THEMIS2: variants seen among roughly 807,000 people sequenced by gnomAD.
THEMIS2 encodes thymocyte selection associated family member 2, also known as protein THEMIS2.
Under a neutral mutation model 46.8 loss-of-function variants are expected in THEMIS2, and 29 were observed. The observed-to-expected ratio is 0.62, with a 90% CI of 0.46 to 0.84. The LOEUF is 0.84. Ranked by LOEUF, THEMIS2 falls within the 40% of genes least tolerant of loss-of-function variation. The probability of loss-of-function intolerance (pLI) is 0.00; values close to 1 mark genes in which losing one functional copy is unlikely to be tolerated. For missense variants in THEMIS2, 698 were observed against 834.7 expected (o/e 0.84, Z 2.02); for synonymous variants, 335 against 349.1 (o/e 0.96, Z 0.45).
chr1:27,877,039 A>G (rs561748773), intron 2 of THEMIS2, among the ~76,000 whole-genome samples: 39 of 152,276 alleles, frequency 2.6e-4, no homozygotes, highest in African/African-American at 9.1e-4. Flanking sequence ...GCAGACACCC[A>G]TGTGTGCCAG....
In THEMIS2 at chr1:27,885,879, A is replaced by G. The variant is rs769226075; in HGVS notation, c.1889A>G (p.His630Arg). Residue 630 changes from histidine (H) to arginine (R), a missense_variant, in exon 6 of 6, where the codon CAT (histidine) becomes CGT (arginine). Coordinates refer to ENST00000373921, the MANE Select transcript of THEMIS2 (RefSeq NM_001105556.3). ...GACTCTTTTGCAGATGATGATGAACATGATTATGAAGAAATACTTGAGCAA... is the reference window on the plus strand; with the variant it reads ...GACTCTTTTGCAGATGATGATGAACGTGATTATGAAGAAATACTTGAGCAA... ...PQRQDLDDDE[H>R]DYEEILEQFQ... is the part of the protein sequence containing the mutation. 55 of 1,613,946 alleles carry G rather than the reference A, an allele frequency of 3.4e-5. No individual in the cohort carries two copies. Among genetic ancestry groups the G allele is most frequent in the Non-Finnish European group, 4.2e-5 (50 of 1,180,020 alleles).
intron 2 of THEMIS2, among the ~76,000 whole-genome samples, chr1:27,878,088 T>C (rs2089612966): frequency 7.1e-6 from 1 of 140,590 alleles, no homozygotes; most frequent in African/African-American, 2.7e-5. Context: ...AGGTGGAGGT[T>C]GCAGCCTGTG....
intron 5 of THEMIS2, 112 bp downstream of exon 5, chr1:27,885,563 G>A (rs1409021511): frequency 7.4e-7 from 1 of 1,354,602 alleles, no homozygotes. Context: ...TATGGTCCCA[G>A]TTTGATGGAC....
chr1:27,874,008 G>A (rs144361575), intron 1 of THEMIS2, among the ~76,000 whole-genome samples: 1 of 148,966 alleles, frequency 6.7e-6, no homozygotes, highest in African/African-American at 2.5e-5. Flanking sequence ...TGGCTCTGGA[G>A]GCAAACACCC....
intron 2 of THEMIS2, among the ~76,000 whole-genome samples, chr1:27,877,293 GA>G (rs2089597811): frequency 6.6e-6 from 1 of 152,120 alleles, no homozygotes. Context: ...TGGTGCTCAG[GA>G]AACCCCAAGG....
In THEMIS2 at chr1:27,877,544, A is replaced by G. The variant is rs150171155; in HGVS notation, c.235+816A>G. On this transcript the variant is annotated intron_variant, in intron 2 of 5. Transcript: ENST00000373921. ...AAGTTTCACCGTGTTAACCAGGATG[A>G]TCTCGATCTCCTGACCTCGTGATCT... Among the ~76,000 whole-genome samples the G allele has an allele frequency of 5.7e-3, 864 of 151,934 alleles. 5 individuals are homozygous for G. The highest frequency in any genetic ancestry group is 8.5e-3 in the Non-Finnish European group (578 of 67,940).
intron 1 of THEMIS2, among the ~76,000 whole-genome samples, chr1:27,874,634 TAGTC>T (rs1267203020): frequency 1.3e-5 from 2 of 151,212 alleles, no homozygotes; most frequent in Non-Finnish European, 3.0e-5. Context: ...ATAAAAAAAT[TAGTC>T]AGGTGTGATG....
rs533696646 is a variant in THEMIS2, at chr1:27,882,513, C to T, written c.1189C>T (p.Arg397Trp). Residue 397 changes from arginine to tryptophan, a missense_variant, in exon 4 of 6, where the codon CGG becomes TGG. Physicochemically the swap from Arg to Trp is moderately radical, Grantham distance 101 (BLOSUM62 -3). Coordinates refer to ENST00000373921, the MANE Select transcript of THEMIS2 (RefSeq NM_001105556.3). The surrounding 1 kb of genome is among the most constrained non-coding windows in gnomAD (Gnocchi z 7.6). Reference protein sequence around the residue: ...GSDVDVLVCQRLSDQAGEDEE... With the variant: ...GSDVDVLVCQWLSDQAGEDEE... ...TGACGTGGATGTCTTGGTTTGTCAG[C>T]GGCTGAGTGACCAGGCTGGGGAGGA... The T allele has an allele frequency of 3.0e-5, 49 of 1,613,584 alleles. No individual in the cohort carries two copies. Among genetic ancestry groups the T allele is most frequent in the South Asian group, 8.8e-5 (8 of 91,056 alleles).
intron 5 of THEMIS2, 40 bp from the exon 6 acceptor site, chr1:27,885,827 C>T (rs530809959): frequency 6.2e-7 from 1 of 1,606,480 alleles, no homozygotes; most frequent in Non-Finnish European, 8.5e-7. Flanking sequence ...AGGAACTTGC[C>T]TAACGCTAAA....
At position 27,872,820 on chromosome 1, in the gene THEMIS2, T is replaced by G. The variant is rs1362904056; in HGVS notation, c.94+155T>G. Among the ~76,000 whole-genome samples the G allele has an allele frequency of 6.6e-6, 1 of 152,188 alleles. No homozygotes were observed. Among genetic ancestry groups the G allele is most frequent in the Admixed American group, 6.5e-5 (1 of 15,288 alleles). On this transcript the variant is annotated intron_variant, in intron 1 of 5. Coordinates refer to ENST00000373921, the MANE Select transcript of THEMIS2 (RefSeq NM_001105556.3). This position sits in a 1 kb window ranked among gnomAD's most constrained non-coding sequence, Gnocchi z 4.9. Reference sequence around the variant, plus strand: ...GTGTGATTTGGGGCCGCACTCAACCTCTTTGGACCTCGGCTTTTGCTTTCG... The same window carrying G: ...GTGTGATTTGGGGCCGCACTCAACCGCTTTGGACCTCGGCTTTTGCTTTCG...
chr1:27,879,831 C>A lies in THEMIS2; in HGVS notation c.423C>A (p.Ile141=), dbSNP rs150226809. Residue 141 remains isoleucine (I), a synonymous_variant, in exon 3 of 6, where the codon ATC becomes ATA. Transcript: ENST00000373921. ...AGGCTGTGGTGATGCACCTCGGGAT[C>A]CGCTCTGCCCGCTGTGTCCTGGGCA... The part of the protein sequence containing the change: ...MLEAVVMHLG[I]RSARCVLGME... 1 of 1,613,474 alleles carries A rather than the reference C, an allele frequency of 6.2e-7. No homozygotes were observed. The highest frequency in any genetic ancestry group is 8.5e-7 in the Non-Finnish European group (1 of 1,179,442).
At position 27,883,092 on chromosome 1, in the gene THEMIS2, C is replaced by T. The variant is rs760374033; in HGVS notation, c.1719+49C>T. ...ACGGAGGGGTCACCTATTGGGATCA[C>T]TGCTTCTTTGTCATGTCTGCCTGTC... On this transcript the variant is annotated intron_variant, in intron 4 of 5. Transcript: ENST00000373921. 11 of 1,472,346 alleles carry T rather than the reference C, an allele frequency of 7.5e-6. No individual in the cohort carries two copies. The Admixed American group carries it at 2.2e-4, about 29-fold the overall frequency. 91.2% of individuals were successfully genotyped at this position (1,472,346 alleles called of 1,614,324 possible). A position where few individuals can be genotyped will look rare whatever the true frequency, so the allele number is the denominator to read the frequency against.
In THEMIS2 at chr1:27,885,849, A is replaced by G. The variant is rs1365828942; in HGVS notation, c.1877-18A>G. The G allele has an allele frequency of 6.2e-7, 1 of 1,613,712 alleles. No homozygotes were observed. On this transcript the variant is annotated intron_variant, in intron 5 of 5. Coordinates refer to ENST00000373921, the MANE Select transcript of THEMIS2 (RefSeq NM_001105556.3). ...TGCCTAACGCTAAAGATCCTCATTG[A>G]CTCGGACTCTTTTGCAGATGATGAT...
chr1:27,872,602 C>G lies in THEMIS2; in HGVS notation c.31C>G (p.Arg11Gly). The change falls in exon 1 of 6, where the codon CGC (arginine) becomes GGC (glycine). Residue 11 changes from arginine (R) to glycine (G), a missense_variant. Physicochemically the swap from Arg to Gly is moderately radical, Grantham distance 125 (BLOSUM62 -2). Coordinates refer to ENST00000373921, the MANE Select transcript of THEMIS2 (RefSeq NM_001105556.3). The surrounding 1 kb of genome is among the most constrained non-coding windows in gnomAD (Gnocchi z 4.9). MEPVPLQDFV[R>G]ALDPASLPRV... ...GCCGGTGCCGCTGCAGGACTTCGTG[C>G]GCGCCTTGGACCCCGCCTCCCTCCC... The G allele has an allele frequency of 1.3e-6, 2 of 1,488,260 alleles. No individual in the cohort carries two copies. The highest frequency in any genetic ancestry group is 2.9e-5 in the East Asian group (1 of 34,712). The allele number at this position is 1,488,260 out of a possible 1,614,324, so 92.2% of individuals were successfully genotyped here. A position where few individuals can be genotyped will look rare whatever the true frequency, so the allele number is the denominator to read the frequency against.
chr1:27,882,870 C>T lies in THEMIS2; in HGVS notation c.1546C>T (p.Pro516Ser), dbSNP rs200096530. 133 of 1,613,956 alleles carry T rather than the reference C, an allele frequency of 8.2e-5. No homozygotes were observed. In the African/African-American group the frequency reaches 1.7e-3, roughly 20 times the overall value. ...GACTGTTGTGAAGGCCAAGGGGCAGCCAGACTTGCCAGAGGGGTCTCTCCC... is the reference window on the plus strand; with the variant it reads ...GACTGTTGTGAAGGCCAAGGGGCAGTCAGACTTGCCAGAGGGGTCTCTCCC... ...DLTVVKAKGQ[P>S]DLPEGSLPIA... Residue 516 changes from proline (P) to serine (S), a missense_variant, in exon 4 of 6, where the codon CCA becomes TCA. By Grantham distance (74) the Pro-to-Ser change is moderately conservative (BLOSUM62 -1). Transcript: ENST00000373921. The surrounding 1 kb of genome is among the most constrained non-coding windows in gnomAD (Gnocchi z 7.6).
rs747483455 is a variant in THEMIS2, at chr1:27,882,396, G to A, written c.1072G>A (p.Glu358Lys). Reference sequence around the variant, plus strand: ...GGTGGCCACAAAGGACTGTGAGGGCGAGAGGGAGGAGAATCCCGAGTTCAC... The same window carrying A: ...GGTGGCCACAAAGGACTGTGAGGGCAAGAGGGAGGAGAATCCCGAGTTCAC... ...RVVATKDCEG[E>K]REENPEFTSL... is the part of the protein sequence containing the mutation. The change falls in exon 4 of 6, where the codon GAG becomes AAG. Residue 358 changes from glutamate (E) to lysine (K), a missense_variant. Glu to Lys is a moderately conservative substitution (Grantham distance 56, BLOSUM62 1). Transcript: ENST00000373921. This position sits in a 1 kb window ranked among gnomAD's most constrained non-coding sequence, Gnocchi z 7.6. 24 of 1,607,812 alleles carry A rather than the reference G, an allele frequency of 1.5e-5. No individual in the cohort carries two copies. Among genetic ancestry groups the A allele is most frequent in the South Asian group, 4.4e-5 (4 of 90,226 alleles).
Position 27,885,410 on chromosome 1 carries a change from G to C in THEMIS2, c.1835G>C (p.Arg612Thr). ...SSTYSKIPAH[R>T]KGHRPAKPQR... ...ACGTACAGCAAGATTCCTGCCCACA[G>C]GAAGGGCCACAGGCCCGCTAAGCCC... Residue 612 changes from arginine (R) to threonine (T), a missense_variant, in exon 5 of 6, where the codon AGG (arginine) becomes ACG (threonine). Transcript: ENST00000373921. 1 of 1,614,154 alleles carries C rather than the reference G, an allele frequency of 6.2e-7. No individual in the cohort carries two copies. The highest frequency in any genetic ancestry group is 8.5e-7 in the Non-Finnish European group (1 of 1,180,016).
intron 2 of THEMIS2, among the ~76,000 whole-genome samples, chr1:27,878,149 G>A (rs967875474): frequency 6.0e-5 from 9 of 150,460 alleles, no homozygotes; most frequent in Non-Finnish European, 1.2e-4. Context: ...AAAGTGGGGA[G>A]GGGGCACCTG....
At chr1:27,877,437 T>C (rs1237912259) in intron 2 of THEMIS2, among the ~76,000 whole-genome samples, 1 of 152,278 alleles carries the variant, frequency 6.6e-6, no homozygotes, top group East Asian at 1.9e-4. Flanking sequence ...ACCATTCTAC[T>C]GCCTCAGCCT....
Sources: gnomAD v4.1 joint callset for allele counts (sites outside exome capture counted in the v4.1 genomes callset) on GRCh38, gnomAD v4.1.1 for gene constraint, Gnocchi (gnomAD v3.1) non-coding constraint, MANE v1.5 for transcripts, NCBI Gene and HGNC (gene_info 2026-07-23, HGNC 2026-07-21) for gene names.